The following ADAMTS19 variants were observed in gnomAD, a reference collection of about 807,000 sequenced individuals.
ADAMTS19 encodes the protein A disintegrin and metalloproteinase with thrombospondin motifs 19.
ADAMTS19 carries 93 observed loss-of-function variants against 153.3 expected under a neutral mutation model. The ratio of observed to expected loss-of-function variants is 0.61; its 90% CI spans 0.51 to 0.72. The LOEUF is 0.72. Ranked by LOEUF, ADAMTS19 falls within the 30% of genes least tolerant of loss-of-function variation. ADAMTS19 has a pLI of 0.00. For synonymous variants in ADAMTS19, 600 were observed against 556.6 expected, an observed-to-expected ratio of 1.08 and a Z score of -1.10; for missense variants, 1,482 against 1,552.1, an observed-to-expected ratio of 0.95 and a Z score of 0.76.
At chr5:129,681,127 T>TAGAA (rs1754790068) in intron 17 of ADAMTS19, among the ~76,000 whole-genome samples, 1 of 152,250 alleles carries the variant, frequency 6.6e-6, no homozygotes, top group Admixed American at 6.5e-5. Flanking sequence ...ACATGTGTGT[T>TAGAA]GCTAGTCTAG....
chr5:129,541,491 A>G (rs1287093452), intron 6 of ADAMTS19, among the ~76,000 whole-genome samples: 2 of 151,626 alleles, frequency 1.3e-5, no homozygotes, highest in Non-Finnish European at 2.9e-5. Context: ...TGGTTCTTTA[A>G]TTTTTTGCAT....
intron 7 of ADAMTS19, among the ~76,000 whole-genome samples, chr5:129,555,746 TA>T (rs917088716): frequency 2.6e-5 from 4 of 152,214 alleles, no homozygotes; most frequent in African/African-American, 9.6e-5. Context: ...TGCTAGACTC[TA>T]CCTCAGATCT....
intron 16 of ADAMTS19, among the ~76,000 whole-genome samples, chr5:129,668,245 C>G (rs1754139921): frequency 6.6e-6 from 1 of 152,162 alleles, no homozygotes; most frequent in Non-Finnish European, 1.5e-5. Flanking sequence ...TTAAGGCCTA[C>G]CTGGATAATT....
chr5:129,590,208 T>C (rs1750044831), intron 7 of ADAMTS19, among the ~76,000 whole-genome samples: 1 of 152,220 alleles, frequency 6.6e-6, no homozygotes, highest in African/African-American at 2.4e-5. Context: ...ATATATCTTA[T>C]CTGATACTCA....
At chr5:129,482,968 G>A (rs1028313801) in intron 2 of ADAMTS19, among the ~76,000 whole-genome samples, 51 of 152,138 alleles carry the variant, frequency 3.4e-4, no homozygotes, top group African/African-American at 1.2e-3. Flanking sequence ...ACAAAATTTT[G>A]CTCATATAAT....
intron 2 of ADAMTS19, among the ~76,000 whole-genome samples, chr5:129,468,818 C>G (rs1373685891): frequency 1.3e-5 from 2 of 151,952 alleles, no homozygotes; most frequent in African/African-American, 4.8e-5. Context: ...GTTCTGTCGG[C>G]CAGGCCAGAG....
rs982195136 is a variant in ADAMTS19 at position 129,673,666 on chromosome 5, C to T, written c.2507-6098C>T. On this transcript the variant is annotated intron_variant, in intron 16 of 22. Transcript: ENST00000274487. ...ATTAGTTTTATTTGGTTCTAGTCTTCTATATTCTTACTGATACTCATCTTT... is the reference window on the plus strand; with the variant it reads ...ATTAGTTTTATTTGGTTCTAGTCTTTTATATTCTTACTGATACTCATCTTT... 6.6e-5 allele frequency among the ~76,000 whole-genome samples: 10 copies of T among 151,970 alleles called. No homozygotes were observed. In the East Asian group the frequency reaches 1.7e-3, roughly 26 times the overall value.
At chr5:129,476,473 C>G (rs116290307) in intron 2 of ADAMTS19, among the ~76,000 whole-genome samples, 1 of 151,964 alleles carries the variant, frequency 6.6e-6, no homozygotes, top group Non-Finnish European at 1.5e-5. Context: ...CAAACAAATA[C>G]GGACAAATGA....
intron 7 of ADAMTS19, among the ~76,000 whole-genome samples, chr5:129,578,513 G>T (rs556176312): frequency 6.6e-6 from 1 of 151,790 alleles, no homozygotes; most frequent in Admixed American, 6.6e-5. Flanking sequence ...GGTTACATAG[G>T]TATACACGTG....
In ADAMTS19 at chr5:129,735,168, G is replaced by A. The variant is rs76924474; in HGVS notation, c.3490+59G>A. On this transcript the variant is annotated intron_variant, in intron 22 of 22. Transcript: ENST00000274487. ...AACATAGAAATGCTTATGGCTTCTT[G>A]TATTTTGTATATTACTTTAAACCTT... The A allele has an allele frequency of 1.2e-3, 1,677 of 1,421,134 alleles. 11 individuals carry two copies. The African/African-American group carries it at 0.017, about 15-fold the overall frequency. 88.0% of individuals were successfully genotyped at this position (1,421,134 alleles called of 1,614,324 possible).
chr5:129,557,383 A>C (rs1753352103), intron 7 of ADAMTS19, among the ~76,000 whole-genome samples: 1 of 152,120 alleles, frequency 6.6e-6, no homozygotes, highest in Admixed American at 6.6e-5. Flanking sequence ...AGATTGCTTC[A>C]GGCCAGGAGT....
intron 10 of ADAMTS19, among the ~76,000 whole-genome samples, chr5:129,639,832 C>G (rs1182411177): frequency 1.3e-5 from 2 of 152,104 alleles, no homozygotes; most frequent in Non-Finnish European, 2.9e-5. Flanking sequence ...ACATCCTTGA[C>G]AGAAAGTTCC....
chr5:129,688,598 CT>C (rs1755195354), intron 18 of ADAMTS19, among the ~76,000 whole-genome samples: 1 of 152,134 alleles, frequency 6.6e-6, no homozygotes, highest in South Asian at 2.1e-4. Context: ...AAAATTCTCT[CT>C]TTTAAAAGGA....
Position 129,737,194 on chromosome 5 carries a change from C to A in ADAMTS19, c.3618C>A (p.Ala1206=). 1 of 1,604,640 alleles carries A rather than the reference C, an allele frequency of 6.2e-7. No homozygotes were observed. Residue 1206 remains alanine, a synonymous_variant, in exon 23 of 23, where the codon GCC becomes GCA. Transcript: ENST00000274487. ...GTGAAACATGCAGGGACTTCTATGC[C>A]CAAAAGCTGCAGCAGAAGAGTTGAC... ...RCCETCRDFY[A]QKLQQKS
chr5:129,503,555 C>T (rs1231480695), intron 2 of ADAMTS19, among the ~76,000 whole-genome samples: 2 of 152,026 alleles, frequency 1.3e-5, no homozygotes, highest in African/African-American at 4.8e-5. Context: ...AAAATAAAGC[C>T]AGGCTGGGTG....
chr5:129,725,697 C>T (rs184013051), intron 21 of ADAMTS19, among the ~76,000 whole-genome samples: 6 of 151,968 alleles, frequency 3.9e-5, no homozygotes, highest in Non-Finnish European at 7.4e-5. Context: ...TTCCTGGTTG[C>T]GGGGGAGGGA....
chr5:129,509,161 G>C lies in ADAMTS19; in HGVS notation c.832G>C (p.Val278Leu). 1 of 1,612,276 alleles carries C rather than the reference G, an allele frequency of 6.2e-7. No homozygotes were observed. Among genetic ancestry groups the C allele is most frequent in the East Asian group, 2.2e-5 (1 of 44,786 alleles). The change falls in exon 3 of 23, where the codon GTA becomes CTA. Residue 278 changes from valine to leucine, a missense_variant. Val to Leu is a conservative substitution (Grantham distance 32, BLOSUM62 1). Transcript: ENST00000274487. ...TMAITGHPHR[V>L]YRQKRSMEEK... ...GGCCATAACAGGTCACCCACACCGT[G>C]TATATAGGCAGAAAAGGTCCATGGA... is the stretch of plus-strand genomic sequence containing the variant.
At chr5:129,594,575 CTTCT>C (rs1486460351) in intron 7 of ADAMTS19, among the ~76,000 whole-genome samples, 1 of 151,884 alleles carries the variant, frequency 6.6e-6, no homozygotes, top group East Asian at 1.9e-4. Context: ...TTTTATCCTC[CTTCT>C]TTCTTTTCTT....
intron 7 of ADAMTS19, among the ~76,000 whole-genome samples, chr5:129,566,916 CAG>C (rs1381872120): frequency 6.6e-6 from 1 of 151,958 alleles, no homozygotes; most frequent in Non-Finnish European, 1.5e-5. Context: ...TACGTGGAAA[CAG>C]ACACAATTAT....
Sources: gnomAD v4.1 joint callset for allele counts (sites outside exome capture counted in the v4.1 genomes callset) on GRCh38, gnomAD v4.1.1 for gene constraint, MANE v1.5 for transcripts, NCBI Gene and HGNC (gene_info 2026-07-23, HGNC 2026-07-21) for gene names.